The following KDM5B variants were observed in gnomAD, a reference collection of about 807,000 sequenced individuals.
KDM5B encodes lysine demethylase 5B, also known as lysine-specific demethylase 5B.
KDM5B carries 144 observed loss-of-function variants against 193.4 expected under a neutral mutation model. The ratio of observed to expected loss-of-function variants is 0.74; its 90% CI spans 0.65 to 0.86. KDM5B has a LOEUF of 0.86. Among genes scored for constraint, KDM5B ranks in the 40% least tolerant of loss-of-function variants. The pLI, the probability that KDM5B is intolerant of heterozygous loss-of-function variation, is 0.00. For synonymous variants in KDM5B, 668 were observed against 682.6 expected (o/e 0.98, Z 0.33); for missense variants, 1,833 against 1,886.9 (o/e 0.97, Z 0.53).
At chr1:202,729,254 A>G in intron 26 of KDM5B, 81 bp from the exon 27 acceptor site, 1 of 1,526,684 alleles carries the variant, frequency 6.6e-7, no homozygotes, top group Non-Finnish European at 9.0e-7. Context: ...CAAGAAATTC[A>G]GGCCGTTTGC....
chr1:202,732,832 TG>T (rs1222769033), intron 23 of KDM5B, among the ~76,000 whole-genome samples: 1 of 152,202 alleles, frequency 6.6e-6, no homozygotes, highest in Non-Finnish European at 1.5e-5. Flanking sequence ...CAGCCACCTA[TG>T]GAAGATAACA....
chr1:202,753,818 C>T (rs1487885570), intron 11 of KDM5B, among the ~76,000 whole-genome samples: 2 of 151,874 alleles, frequency 1.3e-5, no homozygotes, highest in African/African-American at 4.8e-5. Flanking sequence ...TACAGGCGTG[C>T]ACCACCATGC....
intron 22 of KDM5B, 68 bp downstream of exon 22, chr1:202,735,361 A>G: frequency 6.6e-7 from 1 of 1,506,184 alleles, no homozygotes; most frequent in Non-Finnish European, 9.0e-7. Flanking sequence ...AAATTCCTAT[A>G]AAACAGAAAG....
At position 202,733,437 on chromosome 1, in the gene KDM5B, C is replaced by A. The variant is rs1302087689; in HGVS notation, c.3873G>T (p.Trp1291Cys). 2 of 1,613,584 alleles carry A rather than the reference C, an allele frequency of 1.2e-6. No individual in the cohort carries two copies. The highest frequency in any genetic ancestry group is 3.3e-5 in the Admixed American group (2 of 59,986). ...RVGSGLLYSR[W>C]QASAGQVSDT... ...CTGACACCTGTCCTGCTGAGGCTTGCCATCTGCTATATAACAGTCCTGAGC... is the reference window on the plus strand; with the variant it reads ...CTGACACCTGTCCTGCTGAGGCTTGACATCTGCTATATAACAGTCCTGAGC... Residue 1291 changes from tryptophan (W) to cysteine (C), a missense_variant, in exon 23 of 27, where the codon TGG becomes TGT. Around this residue, in one of 3 missense-constraint regions of KDM5B, gnomAD observed 1,379 missense variants for 1,349.6 expected, o/e 1.02. Transcript: ENST00000367265.
At chr1:202,771,233 A>AT (rs1246256569) in intron 4 of KDM5B, among the ~76,000 whole-genome samples, 2 of 152,042 alleles carry the variant, frequency 1.3e-5, no homozygotes, top group Admixed American at 6.6e-5. Flanking sequence ...TTATTTATTT[A>AT]TTTTTTGAGA....
At position 202,745,873 on chromosome 1, in the gene KDM5B, T is replaced by A; in HGVS notation, c.2308A>T (p.Ile770Phe). ...LNVNEALEAK[I>F]NKKKSLVSFK... ...TATCACATACTTTTCTTCTTGTTGA[T>A]CTTTGCCTCCAAAGCTTCATTCACA... Residue 770 changes from isoleucine to phenylalanine, a missense_variant, in exon 16 of 27, where the codon ATC becomes TTC. By Grantham distance (21) the Ile-to-Phe change is conservative. Around this residue, in one of 3 missense-constraint regions of KDM5B, gnomAD observed 1,379 missense variants for 1,349.6 expected, o/e 1.02. Coordinates refer to ENST00000367265, the MANE Select transcript of KDM5B (RefSeq NM_006618.5). 6.2e-7 allele frequency: 1 copy of A among 1,614,048 alleles called. No homozygotes were observed. The highest frequency in any genetic ancestry group is 8.5e-7 in the Non-Finnish European group (1 of 1,179,918).
chr1:202,764,266 A>C, intron 5 of KDM5B, 121 bp from the exon 6 acceptor site: 2 of 540,610 alleles, frequency 3.7e-6, no homozygotes, highest in Non-Finnish European at 6.4e-6. Context: ...GGCATTCAAA[A>C]CATACTTCTC....
chr1:202,764,923 G>T (rs755477483), intron 5 of KDM5B, among the ~76,000 whole-genome samples: 1 of 152,214 alleles, frequency 6.6e-6, no homozygotes, highest in Non-Finnish European at 1.5e-5. Context: ...GTTGCAGTGA[G>T]CCAAGACCAC....
chr1:202,731,732 G>A, intron 24 of KDM5B, 96 bp downstream of exon 24: 2 of 921,748 alleles, frequency 2.2e-6, no homozygotes, highest in Non-Finnish European at 3.5e-6. Context: ...TCAGCATAAA[G>A]TCCTTTTTAT....
rs184342211 is a variant in KDM5B at position 202,788,578 on chromosome 1, G to T, written c.205-11484C>A. Among the ~76,000 whole-genome samples, 326 of 152,090 alleles carry T rather than the reference G, an allele frequency of 2.1e-3. 3 individuals carry two copies. Among genetic ancestry groups the T allele is most frequent in the Admixed American group, 0.02 (304 of 15,272 alleles). On this transcript the variant is annotated intron_variant, in intron 1 of 26. Coordinates refer to ENST00000367265, the MANE Select transcript of KDM5B (RefSeq NM_006618.5). ...CTGTATTGTATTGGTATTGGTATTGGTATTGGTATTGGTATTGGTAGGTCC... is the reference window on the plus strand; with the variant it reads ...CTGTATTGTATTGGTATTGGTATTGTTATTGGTATTGGTATTGGTAGGTCC...
intron 21 of KDM5B, 40 bp downstream of exon 21, chr1:202,736,173 G>T: frequency 7.2e-7 from 1 of 1,394,772 alleles, no homozygotes; most frequent in Non-Finnish European, 9.6e-7. Context: ...ACCAAACTAG[G>T]AGATCTAAGG....
rs372114823 is a variant in KDM5B at position 202,745,943 on chromosome 1, A to G, written c.2238T>C (p.Asn746=). 4.4e-5 allele frequency: 71 copies of G among 1,613,800 alleles called. No homozygotes were observed. The highest frequency in any genetic ancestry group is 5.5e-5 in the Non-Finnish European group (65 of 1,179,780). The change falls in exon 16 of 27, where the codon AAT becomes AAC. Residue 746 remains asparagine, a synonymous_variant. Coordinates refer to ENST00000367265, the MANE Select transcript of KDM5B (RefSeq NM_006618.5). ...AAGATTCTGCTCGAAGCTTCAATGC[A>G]TTCATCATAGGGTAGAGATCATCCA... is the stretch of plus-strand genomic sequence containing the variant. ...YTLDDLYPMM[N]ALKLRAESYN... is the part of the protein sequence containing the mutation.
At chr1:202,795,191 G>A (rs560350013) in intron 1 of KDM5B, among the ~76,000 whole-genome samples, 38 of 151,744 alleles carry the variant, frequency 2.5e-4, no homozygotes, top group African/African-American at 8.7e-4. Flanking sequence ...CCAGCCTGGG[G>A]GACAGAGTAA....
chr1:202,766,918 G>A lies in KDM5B; in HGVS notation c.711+8C>T. On this transcript the variant is annotated splice_region_variant and intron_variant, in intron 5 of 26. Transcript: ENST00000367265. ...ATTCCTTTTAAATTAACCTCATGAG[G>A]CTCTTACCTCTGCTCTCATGCGTTT... is the stretch of plus-strand genomic sequence containing the variant. The A allele has an allele frequency of 6.4e-7, 1 of 1,570,702 alleles. No homozygotes were observed. Among genetic ancestry groups the A allele is most frequent in the Non-Finnish European group, 8.6e-7 (1 of 1,168,060 alleles).
chr1:202,760,351 T>G, intron 8 of KDM5B, 64 bp downstream of exon 8: 1 of 1,105,884 alleles, frequency 9.0e-7, no homozygotes, highest in Non-Finnish European at 1.3e-6. Context: ...AAAATAAAAC[T>G]CAAAGGCAAA....
At chr1:202,764,027 A>C (rs1413160276) in intron 6 of KDM5B, 22 bp downstream of exon 6, 1 of 1,227,528 alleles carries the variant, frequency 8.1e-7, no homozygotes, top group Non-Finnish European at 1.2e-6. Context: ...TTTCTTTCCT[A>C]TTCATTGACA....
intron 1 of KDM5B, among the ~76,000 whole-genome samples, chr1:202,789,481 G>A (rs1034396845): frequency 1.6e-4 from 21 of 132,758 alleles, no homozygotes; most frequent in African/African-American, 6.0e-4. Context: ...CGAGACAAGT[G>A]AACTGAGATG....
intron 14 of KDM5B, 81 bp from the exon 15 acceptor site, chr1:202,746,404 A>G: frequency 2.8e-6 from 2 of 705,830 alleles, no homozygotes; most frequent in Non-Finnish European, 2.2e-6. Flanking sequence ...GTAGTACTTG[A>G]GTCTGAAAAA....
Position 202,745,914 on chromosome 1 carries a change from T to G in KDM5B, c.2267A>C (p.Asn756Thr), listed in dbSNP as rs777387246. 64 of 1,613,912 alleles carry G rather than the reference T, an allele frequency of 4.0e-5. No homozygotes were observed. In the East Asian group the frequency reaches 1.4e-3, roughly 35 times the overall value. ...NALKLRAESY[N>T]EWALNVNEAL... ...TTCATTCACATTCAAGGCCCATTCG[T>G]TGTAAGATTCTGCTCGAAGCTTCAA... The change falls in exon 16 of 27, where the codon AAC (asparagine) becomes ACC (threonine). Residue 756 changes from asparagine (N) to threonine (T), a missense_variant. This residue lies in a region of KDM5B where 1,379 missense variants were observed against 1,349.6 expected (regional missense o/e 1.02). Coordinates refer to ENST00000367265, the MANE Select transcript of KDM5B (RefSeq NM_006618.5).
Sources: gnomAD v4.1 joint callset for allele counts (sites outside exome capture counted in the v4.1 genomes callset) on GRCh38, gnomAD v4.1.1 for gene constraint, gnomAD v4.1.1 regional missense constraint, MANE v1.5 for transcripts, NCBI Gene and HGNC (gene_info 2026-07-23, HGNC 2026-07-21) for gene names.